The following PCDH7 variants were observed in gnomAD, a reference collection of about 807,000 sequenced individuals.
The protein encoded by PCDH7 is protocadherin 7.
Under a neutral mutation model 58.9 loss-of-function variants are expected in PCDH7, and 17 were observed. The ratio of observed to expected loss-of-function variants is 0.29; its 90% CI spans 0.20 to 0.43. PCDH7 has a LOEUF of 0.43. Among genes scored for constraint, PCDH7 ranks in the 20% least tolerant of loss-of-function variants. The pLI is 1.00. For synonymous variants in PCDH7, 664 were observed against 616.4 expected, an observed-to-expected ratio of 1.08 and a Z score of -1.14; for missense variants, 1,274 against 1,441.0, an observed-to-expected ratio of 0.88 and a Z score of 1.88.
At chr4:31,034,789 G>A (rs766124986) in intron 3 of PCDH7, among the ~76,000 whole-genome samples, 1 of 152,010 alleles carries the variant, frequency 6.6e-6, no homozygotes, top group Non-Finnish European at 1.5e-5. Context: ...GTATGTAAGT[G>A]TGGATTCTCT....
In PCDH7 at chr4:30,944,048, G is replaced by T. The variant is rs570866528; in HGVS notation, c.288-6072G>T. ...CTCAATATTGAAGGAGCTTAAGCTG[G>T]CAGTTCTTAAAGCCAAGTGATCTCA... On this transcript the variant is annotated intron_variant, in intron 2 of 3. Coordinates refer to the PCDH7 transcript ENST00000509759. 2.0e-5 allele frequency among the ~76,000 whole-genome samples: 3 copies of T among 152,082 alleles called. No homozygotes were observed. The South Asian group carries it at 6.2e-4, about 32-fold the overall frequency.
At chr4:31,036,993 A>G (rs1755462023) in intron 3 of PCDH7, among the ~76,000 whole-genome samples, 1 of 151,734 alleles carries the variant, frequency 6.6e-6, no homozygotes, top group Non-Finnish European at 1.5e-5. Flanking sequence ...GGAAAGATCC[A>G]CCCCCCTGAT....
chr4:30,945,786 T>A (rs1439806445), intron 2 of PCDH7, among the ~76,000 whole-genome samples: 1 of 152,160 alleles, frequency 6.6e-6, no homozygotes, highest in African/African-American at 2.4e-5. Flanking sequence ...ACATTCCTCC[T>A]TTGCAAAGGT....
chr4:30,847,714 G>A (rs1264989586), intron 1 of PCDH7, among the ~76,000 whole-genome samples: 1 of 152,042 alleles, frequency 6.6e-6, no homozygotes, highest in African/African-American at 2.4e-5. Flanking sequence ...TTTTAATAAT[G>A]TAAAGTGTTA....
chr4:30,732,204 A>C (rs1489717100), exon 2 of PCDH7: 2 of 152,178 alleles, frequency 1.3e-5, no homozygotes, highest in Non-Finnish European at 2.9e-5. Flanking sequence ...TTTCTGTATA[A>C]AACTTAATTA....
At chr4:31,054,987 C>T (rs1386976932) in intron 3 of PCDH7, among the ~76,000 whole-genome samples, 1 of 152,074 alleles carries the variant, frequency 6.6e-6, no homozygotes. Context: ...TATTGGCTTG[C>T]TTTCTTCTTC....
intron 1 of PCDH7, among the ~76,000 whole-genome samples, chr4:30,913,253 T>A (rs1742009962): frequency 6.6e-6 from 1 of 151,958 alleles, no homozygotes; most frequent in Admixed American, 6.6e-5. Flanking sequence ...TAGTAAATGT[T>A]ACTACATCAG....
At chr4:31,111,342 C>T (rs1422163463) in intron 3 of PCDH7, among the ~76,000 whole-genome samples, 1 of 147,070 alleles carries the variant, frequency 6.8e-6, no homozygotes, top group Non-Finnish European at 1.5e-5. Flanking sequence ...GAGTCTCGCT[C>T]TGTCGCTCGG....
intron 3 of PCDH7, among the ~76,000 whole-genome samples, chr4:31,030,377 T>C (rs958611527): frequency 5.3e-5 from 8 of 152,138 alleles, no homozygotes; most frequent in African/African-American, 1.9e-4. Context: ...CAATTACCAA[T>C]AATAACCCAA....
chr4:30,843,843 C>T (rs1731550075), intron 1 of PCDH7, among the ~76,000 whole-genome samples: 1 of 151,748 alleles, frequency 6.6e-6, no homozygotes, highest in Non-Finnish European at 1.5e-5. Flanking sequence ...TTCACTGTGC[C>T]TAGGCATTTA....
intron 1 of PCDH7, among the ~76,000 whole-genome samples, chr4:30,812,707 T>C (rs1414284483): frequency 6.6e-6 from 1 of 152,190 alleles, no homozygotes; most frequent in African/African-American, 2.4e-5. Context: ...CTGTTCTCAG[T>C]ATTATCTTCT....
intron 3 of PCDH7, among the ~76,000 whole-genome samples, chr4:31,125,839 C>T (rs904976821): frequency 4.6e-5 from 7 of 152,218 alleles, no homozygotes; most frequent in African/African-American, 1.7e-4. Flanking sequence ...ACATTTTTAA[C>T]TTAATGATAT....
At chr4:31,000,148 C>G (rs1442485149) in intron 3 of PCDH7, among the ~76,000 whole-genome samples, 1 of 151,922 alleles carries the variant, frequency 6.6e-6, no homozygotes, top group Admixed American at 6.6e-5. Context: ...ATTTCATGGT[C>G]CCATCTGGAA....
chr4:31,001,913 T>C (rs542245282), intron 3 of PCDH7, among the ~76,000 whole-genome samples: 1 of 152,320 alleles, frequency 6.6e-6, no homozygotes, highest in African/African-American at 2.4e-5. Flanking sequence ...TATTAACCAA[T>C]TGCAAACAAG....
At chr4:30,760,793 G>A (rs1041175881) in intron 1 of PCDH7, among the ~76,000 whole-genome samples, 2 of 152,222 alleles carry the variant, frequency 1.3e-5, no homozygotes, top group Admixed American at 6.5e-5. Flanking sequence ...AGATTTCCTT[G>A]AGTTTTGACT....
chr4:30,898,460 C>T (rs949241903), intron 1 of PCDH7, among the ~76,000 whole-genome samples: 1 of 152,136 alleles, frequency 6.6e-6, no homozygotes, highest in African/African-American at 2.4e-5. Context: ...CAGCTCCATC[C>T]GAATGTAATT....
chr4:30,807,328 C>T (rs543912056), intron 1 of PCDH7, among the ~76,000 whole-genome samples: 1 of 152,160 alleles, frequency 6.6e-6, no homozygotes, highest in Non-Finnish European at 1.5e-5. Flanking sequence ...ACGTTGTCTT[C>T]CTTATATTCA....
intron 1 of PCDH7, among the ~76,000 whole-genome samples, chr4:30,915,267 C>T (rs930672579): frequency 6.6e-6 from 1 of 152,148 alleles, no homozygotes; most frequent in African/African-American, 2.4e-5. Context: ...TACATTCCCA[C>T]TTTCTCTATT....
chr4:31,090,080 C>T (rs1056491073), intron 3 of PCDH7, among the ~76,000 whole-genome samples: 1 of 151,898 alleles, frequency 6.6e-6, no homozygotes, highest in Non-Finnish European at 1.5e-5. Flanking sequence ...TTTCGGTGGC[C>T]AAATGCCAAG....
Sources: gnomAD v4.1 joint callset for allele counts (sites outside exome capture counted in the v4.1 genomes callset) on GRCh38, gnomAD v4.1.1 for gene constraint, MANE v1.5 for transcripts, NCBI Gene and HGNC (gene_info 2026-07-23, HGNC 2026-07-21) for gene names.